CACNA1F: variants seen among roughly 807,000 people sequenced by gnomAD.
CACNA1F encodes calcium voltage-gated channel subunit alpha1 F.
In CACNA1F, 59 loss-of-function variants were observed where a neutral mutation model predicts 143.8. The observed-to-expected ratio is 0.41, with a 90% CI of 0.33 to 0.51. The LOEUF (loss-of-function observed/expected upper bound fraction) is 0.51, where lower values mean the gene tolerates loss of function less well. Ranked by LOEUF, CACNA1F falls within the 20% of genes least tolerant of loss-of-function variation. CACNA1F has a pLI of 0.22. For missense variants in CACNA1F, 1,411 were observed against 1,647.5 expected (o/e 0.86, Z 2.48); for synonymous variants, 643 against 649.1 (o/e 0.99, Z 0.14).
chrX:49,224,012 G>T (rs1426011276), intron 14 of CACNA1F, among the ~76,000 whole-genome samples: 2 of 111,428 alleles, frequency 1.8e-5, no homozygotes, highest in African/African-American at 3.3e-5. Flanking sequence ...GATTACAGGC[G>T]TGAGCCACCG....
chrX:49,211,860 C>T lies in CACNA1F; in HGVS notation c.4100+38G>A, dbSNP rs373922576. 36 of 1,130,506 alleles carry T rather than the reference C, an allele frequency of 3.2e-5. No homozygotes were observed. In the South Asian group the frequency reaches 6.3e-4, roughly 20 times the overall value. The allele number at this position is 1,130,506 out of a possible 1,213,427, so 93.2% of individuals were successfully genotyped here. A position where few individuals can be genotyped will look rare whatever the true frequency, so the allele number is the denominator to read the frequency against. On this transcript the variant is annotated intron_variant, in intron 35 of 47. Transcript: ENST00000323022. ...GGCTCAGAGAGGGTGGGTGGGCACC[C>T]ACGGGCATAAGGTGGCAGGGGAGTG...
chrX:49,209,830 C>T, intron 40 of CACNA1F, 71 bp from the exon 41 acceptor site: 1 of 1,174,072 alleles, frequency 8.5e-7, no homozygotes, highest in Non-Finnish European at 1.2e-6. Flanking sequence ...CGCCTCTCTA[C>T]CCACCAGCAT....
intron 42 of CACNA1F, 111 bp from the exon 43 acceptor site, chrX:49,208,795 C>T: frequency 1.7e-6 from 1 of 605,250 alleles, no homozygotes; most frequent in Non-Finnish European, 2.8e-6. Context: ...CCTCCAACAG[C>T]AATGGTAAAT....
chrX:49,212,773 A>G lies in CACNA1F; in HGVS notation c.3836T>C (p.Ile1279Thr). The G allele has an allele frequency of 8.3e-7, 1 of 1,210,535 alleles. No homozygotes were observed. The highest frequency in any genetic ancestry group is 1.1e-6 in the Non-Finnish European group (1 of 894,888). The change falls in exon 33 of 48, where the codon ATT (isoleucine) becomes ACT (threonine). Residue 1279 changes from isoleucine (I) to threonine (T), a missense_variant. This residue lies in a region of CACNA1F where 950 missense variants were observed against 1,128.1 expected (regional missense o/e 0.84). Coordinates refer to ENST00000323022, the MANE Select transcript of CACNA1F (RefSeq NM_001256789.3). ...GAAGAGGCGAAAGAAGGTAATGGAA[A>G]TGCGGGAGCTGTCCTCAGAGCTCTG... ...LGESSEDSSR[I>T]SITFFRLFRV...
chrX:49,206,046 C>T (rs2065592162), intron 46 of CACNA1F, among the ~76,000 whole-genome samples: 1 of 111,401 alleles, frequency 9.0e-6, no homozygotes, highest in Non-Finnish European at 1.9e-5. Flanking sequence ...CCTCAGTTTC[C>T]TCACAAGTAC....
At chrX:49,216,678 C>T in intron 26 of CACNA1F, 150 bp from the exon 27 acceptor site, 2 of 493,643 alleles carry the variant, frequency 4.1e-6, no homozygotes, top group South Asian at 7.0e-5. Flanking sequence ...GGCTGGGTGA[C>T]CTTGCGCATT....
At chrX:49,231,531 G>C in intron 2 of CACNA1F, 147 bp downstream of exon 2, 2 of 773,376 alleles carry the variant, frequency 2.6e-6, no homozygotes, top group Middle Eastern at 4.3e-4. Flanking sequence ...GGTGACCTTT[G>C]CCTTTCTGAA....
rs781841976 is a variant in CACNA1F at position 49,206,621 on chromosome X, G to A, written c.5362C>T (p.Arg1788Trp). ...CACTGGATGGTGAAGGAGGGCTTCCGACCTGGGGGTGGGTGGGGCACCAGG... is the reference window on the plus strand; with the variant it reads ...CACTGGATGGTGAAGGAGGGCTTCCAACCTGGGGGTGGGTGGGGCACCAGG... ...RRLLPPTPAGRKPSFTIQCLQ... is the reference protein window; with the variant it reads ...RRLLPPTPAGWKPSFTIQCLQ... The change falls in exon 46 of 48, where the codon CGG (arginine) becomes TGG (tryptophan). Residue 1788 changes from arginine (R) to tryptophan (W), a missense_variant and splice_region_variant. Physicochemically the swap from Arg to Trp is moderately radical, Grantham distance 101. Transcript: ENST00000323022. 23 of 1,204,016 alleles carry A rather than the reference G, an allele frequency of 1.9e-5. No individual in the cohort carries two copies. In the Admixed American group the frequency reaches 2.6e-4, roughly 14 times the overall value.
In CACNA1F at chrX:49,230,458, G is replaced by A. The variant is rs1310471708; in HGVS notation, c.664+9C>T. 2 of 1,206,984 alleles carry A rather than the reference G, an allele frequency of 1.7e-6. No homozygotes were observed. Among genetic ancestry groups the A allele is most frequent in the Non-Finnish European group, 2.2e-6 (2 of 893,808 alleles). ...CTCCACCTCCGACCTCGGGGGATGT[G>A]CCACTCACTCGGGACCCCAGACACC... On this transcript the variant is annotated intron_variant, in intron 5 of 47. Transcript: ENST00000323022.
chrX:49,212,479 T>C lies in CACNA1F; in HGVS notation c.3943-171A>G, dbSNP rs190989884. Among the ~76,000 whole-genome samples the C allele has an allele frequency of 4.3e-3, 484 of 111,393 alleles. 5 individuals carry two copies. The highest frequency in any genetic ancestry group is 0.042 in the Middle Eastern group (9 of 214). On this transcript the variant is annotated intron_variant, in intron 33 of 47. Transcript: ENST00000323022. ...AAATGTGAACATAGTGTTAAGTAGA[T>C]AGAGTAAGGTCAGTGAGACCAGAGG...
At chrX:49,223,342 C>T (rs188045419) in intron 14 of CACNA1F, among the ~76,000 whole-genome samples, 1 of 109,644 alleles carries the variant, frequency 9.1e-6, no homozygotes, top group African/African-American at 3.3e-5. Flanking sequence ...TGGTGGCTCA[C>T]GCCTGTAATC....
chrX:49,225,978 C>G lies in CACNA1F; in HGVS notation c.1582G>C (p.Val528Leu), dbSNP rs201932840. 4 of 1,171,506 alleles carry G rather than the reference C, an allele frequency of 3.4e-6. No individual in the cohort carries two copies. The highest frequency in any genetic ancestry group is 3.2e-5 in the East Asian group (1 of 31,176). The change falls in exon 13 of 48, where the codon GTC becomes CTC. Residue 528 changes from valine to leucine, a missense_variant. Val to Leu is a conservative substitution (Grantham distance 32). This residue lies in a region of CACNA1F where 950 missense variants were observed against 1,128.1 expected (regional missense o/e 0.84). Coordinates refer to ENST00000323022, the MANE Select transcript of CACNA1F (RefSeq NM_001256789.3). ...NACYWAVLLLVFLNTLTIASE... is the reference protein window; with the variant it reads ...NACYWAVLLLLFLNTLTIASE... ...GCGATGGTCAACGTGTTGAGGAAGA[C>G]GAGCAACAGCACAGCCCAGTAGCAG...
At chrX:49,206,896 C>A (rs1383214565) in intron 44 of CACNA1F, 41 bp from the exon 45 acceptor site, 1 of 1,183,056 alleles carries the variant, frequency 8.5e-7, no homozygotes. Flanking sequence ...TGGGTCTGGG[C>A]CTGGACCTGG....
In CACNA1F at chrX:49,208,683, G is replaced by A. The variant is rs1557105513; in HGVS notation, c.4955C>T (p.Ala1652Val). The change falls in exon 43 of 48, where the codon GCC (alanine) becomes GTC (valine). Residue 1652 changes from alanine to valine, a missense_variant and splice_region_variant. By Grantham distance (64) the Ala-to-Val change is moderately conservative. Transcript: ENST00000323022. ...AGCTGAGGGCTGGGAGACCATCGTG[G>A]CCTGTGGAGAGTCACAGGACTGAGT... ...EDEKDLETNK[A>V]TMVSQPSARR... 8.3e-7 allele frequency: 1 copy of A among 1,209,963 alleles called. No homozygotes were observed. Among genetic ancestry groups the A allele is most frequent in the South Asian group, 1.8e-5 (1 of 56,955 alleles).
chrX:49,218,943 T>C lies in CACNA1F; in HGVS notation c.2674-2A>G, dbSNP rs2147909115. 8.3e-7 allele frequency: 1 copy of C among 1,202,490 alleles called. No homozygotes were observed. The highest frequency in any genetic ancestry group is 1.1e-6 in the Non-Finnish European group (1 of 887,916). On this transcript the variant is annotated splice_acceptor_variant, in intron 21 of 47. Coordinates refer to ENST00000323022, the MANE Select transcript of CACNA1F (RefSeq NM_001256789.3). LOFTEE classifies it high-confidence loss of function. ...GGCATAATCGAAGTAACCCAGAATC[T>C]GGGGTGTGAGAAAGAGCGGGGAGCC...
chrX:49,205,504 G>T, intron 47 of CACNA1F, 112 bp downstream of exon 47: 1 of 880,110 alleles, frequency 1.1e-6, no homozygotes, highest in Non-Finnish European at 1.6e-6. Flanking sequence ...GTAGGGCAAA[G>T]GGATATCTAC....
chrX:49,209,213 C>T (rs2065630096), intron 42 of CACNA1F, 49 bp downstream of exon 42: 20 of 1,198,624 alleles, frequency 1.7e-5, no homozygotes, highest in Middle Eastern at 4.6e-4. Context: ...AGGGGATTGA[C>T]GAAGTATTTT....
In CACNA1F at chrX:49,223,241, G is replaced by A. The variant is rs1331259732; in HGVS notation, c.1878-105C>T. The A allele has an allele frequency of 1.2e-4, 64 of 534,010 alleles. No homozygotes were observed. The Admixed American group carries it at 1.7e-3, about 14-fold the overall frequency. The allele number at this position is 534,010 out of a possible 1,213,427, so 44.0% of individuals were successfully genotyped here. A position where few individuals can be genotyped will look rare whatever the true frequency, so the allele number is the denominator to read the frequency against. On this transcript the variant is annotated intron_variant, in intron 14 of 47. Coordinates refer to ENST00000323022, the MANE Select transcript of CACNA1F (RefSeq NM_001256789.3). ...TCCAGCTTGAGATGCACCTCGGCAG[G>A]TTGGGCTCAAATAGGCTTTGGTGTC...
Position 49,219,808 on chromosome X carries a change from C to CAA in CACNA1F, c.2387-20_2387-19dup. On this transcript the variant is annotated intron_variant, in intron 19 of 47. Transcript: ENST00000323022. ...CTCCATGTCTGGCACCAGAGAAAAG[C>CAA]AAAAAAAAATTAATTGAGCAAGTTG... 1 of 976,712 alleles carries CAA rather than the reference C, an allele frequency of 1.0e-6. No homozygotes were observed. Among genetic ancestry groups the CAA allele is most frequent in the Non-Finnish European group, 1.4e-6 (1 of 707,480 alleles). The allele number at this position is 976,712 out of a possible 1,213,427, so 80.5% of individuals were successfully genotyped here. A position where few individuals can be genotyped will look rare whatever the true frequency, so the allele number is the denominator to read the frequency against.
Sources: allele counts gnomAD v4.1 joint callset (sites outside exome capture counted in the v4.1 genomes callset), GRCh38; gene constraint gnomAD v4.1.1; regional missense constraint gnomAD v4.1.1; transcripts MANE v1.5; gene names NCBI Gene and HGNC (gene_info 2026-07-23, HGNC 2026-07-21).